ALPK2: variants seen among roughly 807,000 people sequenced by gnomAD.
ALPK2 encodes alpha kinase 2.
In ALPK2, 127 loss-of-function variants were observed where a neutral mutation model predicts 163.1. That is an observed-to-expected ratio of 0.78 (90% CI 0.67 to 0.90). The LOEUF (loss-of-function observed/expected upper bound fraction) is 0.90. Among genes scored for constraint, ALPK2 ranks in the 40% least tolerant of loss-of-function variants. The pLI, the probability that ALPK2 is intolerant of heterozygous loss-of-function variation, is 0.00. For synonymous variants in ALPK2, 953 were observed against 959.1 expected (o/e 0.99, Z 0.12); for missense variants, 2,360 against 2,589.6 (o/e 0.91, Z 1.92).
Position 58,613,058 on chromosome 18 carries a change from G to A in ALPK2, c.-20-1241C>T, listed in dbSNP as rs114911969. On this transcript the variant is annotated intron_variant, in intron 1 of 12. Coordinates refer to ENST00000361673, the MANE Select transcript of ALPK2 (RefSeq NM_052947.4). Reference sequence around the variant, plus strand: ...AAGCAGCCACAGCTGTATTGCCAAAGGGACACCCCTTTCCATATGAGTGTC... The same window carrying A: ...AAGCAGCCACAGCTGTATTGCCAAAAGGACACCCCTTTCCATATGAGTGTC... Among the ~76,000 whole-genome samples, 1,048 of 152,312 alleles carry A rather than the reference G, an allele frequency of 6.9e-3. 9 individuals are homozygous for A. The highest frequency in any genetic ancestry group is 0.024 in the African/African-American group (1,010 of 41,562).
chr18:58,615,123 C>T (rs1016701821), intron 1 of ALPK2, among the ~76,000 whole-genome samples: 2 of 152,108 alleles, frequency 1.3e-5, no homozygotes, highest in Non-Finnish European at 2.9e-5. Flanking sequence ...CTATTCTGGA[C>T]ATTTTATATA....
At chr18:58,550,536 AT>A (rs1568082612) in intron 4 of ALPK2, among the ~76,000 whole-genome samples, 13 of 152,136 alleles carry the variant, frequency 8.5e-5, no homozygotes, top group South Asian at 4.1e-4. Context: ...ATCACCTACA[AT>A]CCCATCCCCA....
chr18:58,486,487 A>G (rs2051339583), intron 12 of ALPK2, among the ~76,000 whole-genome samples: 1 of 152,196 alleles, frequency 6.6e-6, no homozygotes, highest in African/African-American at 2.4e-5. Flanking sequence ...TTATGCCCAG[A>G]ACGCCTGTCC....
At chr18:58,510,666 TC>T (rs2051485595) in intron 10 of ALPK2, among the ~76,000 whole-genome samples, 4 of 152,238 alleles carry the variant, frequency 2.6e-5, no homozygotes, top group Admixed American at 2.6e-4. Flanking sequence ...GGGAGTTCAC[TC>T]ATGATTTGGC....
chr18:58,601,727 C>T (rs2052070913), intron 3 of ALPK2, among the ~76,000 whole-genome samples: 1 of 152,168 alleles, frequency 6.6e-6, no homozygotes, highest in Admixed American at 6.5e-5. Flanking sequence ...CCCAGCCAAT[C>T]CGTAAATGGA....
At chr18:58,524,800 G>A (rs575480954) in intron 6 of ALPK2, among the ~76,000 whole-genome samples, 2 of 152,260 alleles carry the variant, frequency 1.3e-5, no homozygotes, top group African/African-American at 4.8e-5. Context: ...AGGAAACTGA[G>A]GCATAGAAAA....
chr18:58,567,087 C>T (rs1363110435), intron 4 of ALPK2, among the ~76,000 whole-genome samples: 1 of 151,642 alleles, frequency 6.6e-6, no homozygotes, highest in African/African-American at 2.4e-5. Context: ...ATTAAAAATG[C>T]AGGTTCAGGC....
rs146477070 is a variant in ALPK2 at position 58,520,908 on chromosome 18, C to A, written c.5665+2898G>T. 1.7e-4 allele frequency among the ~76,000 whole-genome samples: 26 copies of A among 152,314 alleles called. 1 individual carries two copies. The East Asian group carries it at 4.4e-3, about 26-fold the overall frequency. On this transcript the variant is annotated intron_variant, in intron 8 of 12. Coordinates refer to ENST00000361673, the MANE Select transcript of ALPK2 (RefSeq NM_052947.4). ...GTGAGCACCTGCAGTCCAGGCTACT[C>A]AGGAGGCTTAGGTGGGAGGATCATT...
intron 1 of ALPK2, among the ~76,000 whole-genome samples, chr18:58,625,730 G>C (rs1232804138): frequency 2.6e-5 from 4 of 152,252 alleles, no homozygotes; most frequent in Non-Finnish European, 5.9e-5. Flanking sequence ...AAGGTGGGCT[G>C]TGCAGCCAGG....
chr18:58,523,150 G>A (rs2051564403), intron 8 of ALPK2, among the ~76,000 whole-genome samples: 1 of 142,964 alleles, frequency 7.0e-6, no homozygotes, highest in South Asian at 2.2e-4. Context: ...ATCTATGAGT[G>A]AGAACATGCG....
At chr18:58,594,562 A>G (rs1419278900) in intron 3 of ALPK2, among the ~76,000 whole-genome samples, 4 of 152,202 alleles carry the variant, frequency 2.6e-5, no homozygotes, top group Non-Finnish European at 5.9e-5. Flanking sequence ...CATGGCCGGC[A>G]GCCCCAGCTC....
chr18:58,561,023 G>T (rs1321502719), intron 4 of ALPK2, among the ~76,000 whole-genome samples: 1 of 152,138 alleles, frequency 6.6e-6, no homozygotes, highest in Non-Finnish European at 1.5e-5. Flanking sequence ...TGCTTCTGAA[G>T]TTGTCACACT....
intron 5 of ALPK2, 130 bp from the exon 6 acceptor site, chr18:58,529,368 C>T: frequency 9.9e-7 from 1 of 1,007,824 alleles, no homozygotes. Context: ...AGAATTGAGT[C>T]TCTGAGGGGA....
rs2051312183 is a variant in ALPK2, at chr18:58,481,737, CT to C, written c.*85del. 3 of 1,098,484 alleles carry C rather than the reference CT, an allele frequency of 2.7e-6. No individual in the cohort carries two copies. In the East Asian group the frequency reaches 7.1e-5, roughly 26 times the overall value. The allele number at this position is 1,098,484 out of a possible 1,614,324, so 68.0% of individuals were successfully genotyped here. ...AGGATTGCCACGCACTCTCTGCAGG[CT>C]GTATATTCTCTCCTGTGTGGCCTCA... is the stretch of plus-strand genomic sequence containing the variant. On this transcript the variant is annotated 3_prime_UTR_variant, in exon 13 of 13. Transcript: ENST00000361673.
chr18:58,536,828 C>T lies in ALPK2; in HGVS notation c.3359G>A (p.Arg1120Lys). 2 of 1,614,166 alleles carry T rather than the reference C, an allele frequency of 1.2e-6. No individual in the cohort carries two copies. Among genetic ancestry groups the T allele is most frequent in the Non-Finnish European group, 1.7e-6 (2 of 1,180,034 alleles). The change falls in exon 5 of 13, where the codon AGG becomes AAG. Residue 1120 changes from arginine (R) to lysine (K), a missense_variant. Arg to Lys is a conservative substitution (Grantham distance 26). Transcript: ENST00000361673. ...KSQTVDRADF[R>K]SYEENFQERG... ...TTCTTGGAAATTCTCTTCATAGCTC[C>T]TAAAGTCTGCTCTGTCCACAGTCTG...
chr18:58,490,978 G>A (rs891236170), intron 12 of ALPK2, among the ~76,000 whole-genome samples: 3 of 152,226 alleles, frequency 2.0e-5, no homozygotes, highest in African/African-American at 7.2e-5. Context: ...ACGAATTGAA[G>A]ACAAAGAACC....
At chr18:58,561,885 A>G (rs1245918929) in intron 4 of ALPK2, among the ~76,000 whole-genome samples, 1 of 152,182 alleles carries the variant, frequency 6.6e-6, no homozygotes, top group African/African-American at 2.4e-5. Flanking sequence ...CTGAGTAGCT[A>G]TGGGGCAGGG....
At chr18:58,482,261 A>G (rs1243485305) in intron 12 of ALPK2, among the ~76,000 whole-genome samples, 1 of 152,182 alleles carries the variant, frequency 6.6e-6, no homozygotes, top group East Asian at 1.9e-4. Flanking sequence ...TACAGTGATG[A>G]TCAAAGGTCT....
At position 58,536,356 on chromosome 18, in the gene ALPK2, A is replaced by G; in HGVS notation, c.3831T>C (p.Asp1277=). 3.7e-6 allele frequency: 6 copies of G among 1,614,206 alleles called. No individual in the cohort carries two copies. Among genetic ancestry groups the G allele is most frequent in the Non-Finnish European group, 5.1e-6 (6 of 1,180,034 alleles). ...IIPDKVWAVP[D]SLKADAVVPE... ...GCACAACAGCATCTGCCTTTAGACT[A>G]TCAGGTACAGCCCAGACCTTGTCAG... The change falls in exon 5 of 13, where the codon GAT becomes GAC. Residue 1277 remains aspartate, a synonymous_variant. Transcript: ENST00000361673.
Sources: allele counts gnomAD v4.1 joint callset (sites outside exome capture counted in the v4.1 genomes callset), GRCh38; gene constraint gnomAD v4.1.1; transcripts MANE v1.5; gene names NCBI Gene and HGNC (gene_info 2026-07-23, HGNC 2026-07-21).